DPP10: variants seen among roughly 807,000 people sequenced by gnomAD.
DPP10 encodes the protein inactive dipeptidyl peptidase 10.
A neutral mutation model predicts 120.9 loss-of-function variants in DPP10; 33 were observed. The ratio of observed to expected loss-of-function variants is 0.27; its 90% CI spans 0.21 to 0.37. DPP10 has a LOEUF of 0.37. DPP10 is among the 10% of genes least tolerant of loss of function. DPP10 has a pLI of 1.00. For missense variants in DPP10, 816 were observed against 942.8 expected (o/e 0.87, Z 1.76); for synonymous variants, 337 against 326.1 (o/e 1.03, Z -0.36).
intron 1 of DPP10, among the ~76,000 whole-genome samples, chr2:114,859,284 T>C (rs1574358413): frequency 6.6e-6 from 1 of 151,714 alleles, no homozygotes; most frequent in Admixed American, 6.6e-5. Flanking sequence ...AGGAGAATCG[T>C]TTGAACCCAG....
chr2:115,440,326 T>C (rs2071913247), intron 3 of DPP10, among the ~76,000 whole-genome samples: 1 of 152,210 alleles, frequency 6.6e-6, no homozygotes, highest in Non-Finnish European at 1.5e-5. Context: ...TTCAGAAAGT[T>C]CAATGGCATA....
chr2:115,534,770 C>A (rs1272360352), intron 5 of DPP10, among the ~76,000 whole-genome samples: 1 of 150,760 alleles, frequency 6.6e-6, no homozygotes, highest in African/African-American at 2.4e-5. Flanking sequence ...TCTCCAGCAC[C>A]TGTTGTTTCC....
chr2:115,088,750 C>CCAAAAA (rs769249185), intron 1 of DPP10, among the ~76,000 whole-genome samples: 1 of 65,044 alleles, frequency 1.5e-5, no homozygotes, highest in South Asian at 7.6e-4. Flanking sequence ...CTGTGCCTGA[C>CCAAAAA]AAAAAAAAAA....
rs181655468 is a variant in DPP10 at position 114,776,488 on chromosome 2, G to A, written c.60+333650G>A. Among the ~76,000 whole-genome samples the A allele has an allele frequency of 3.1e-3, 467 of 152,226 alleles. 1 individual carries two copies. Among genetic ancestry groups the A allele is most frequent in the African/African-American group, 0.01 (426 of 41,546 alleles). Reference sequence around the variant, plus strand: ...CTTTTCTCTACTGAATGCAATCTCCGTTATCAGGCCATAAGCTCCTTAGGA... The same window carrying A: ...CTTTTCTCTACTGAATGCAATCTCCATTATCAGGCCATAAGCTCCTTAGGA... On this transcript the variant is annotated intron_variant, in intron 1 of 25. Coordinates refer to ENST00000410059, the MANE Select transcript of DPP10 (RefSeq NM_020868.6).
chr2:114,479,834 C>T (rs1364023329), intron 1 of DPP10, among the ~76,000 whole-genome samples: 1 of 152,070 alleles, frequency 6.6e-6, no homozygotes, highest in African/African-American at 2.4e-5. Flanking sequence ...ACACCAAAAG[C>T]AATGGCAACA....
chr2:115,436,328 T>C (rs1166706373), intron 3 of DPP10, among the ~76,000 whole-genome samples: 1 of 151,838 alleles, frequency 6.6e-6, no homozygotes, highest in African/African-American at 2.4e-5. Context: ...CTCTACAAAT[T>C]TAATTGTAAG....
intron 3 of DPP10, among the ~76,000 whole-genome samples, chr2:115,375,043 C>G (rs976868638): frequency 3.3e-5 from 5 of 152,212 alleles, no homozygotes; most frequent in Admixed American, 2.6e-4. Flanking sequence ...CTGCAGGTAG[C>G]TTGAATTTCT....
chr2:115,372,843 C>T (rs980599974), intron 3 of DPP10, among the ~76,000 whole-genome samples: 16 of 152,232 alleles, frequency 1.1e-4, no homozygotes, highest in African/African-American at 3.9e-4. Flanking sequence ...GAATCTTAGC[C>T]TAGATCTTTA....
chr2:115,662,637 G>A (rs924292706), intron 5 of DPP10, among the ~76,000 whole-genome samples: 3 of 152,124 alleles, frequency 2.0e-5, no homozygotes, highest in Admixed American at 1.3e-4. Flanking sequence ...AAAAAGGTAA[G>A]TGTTAGCAAG....
At chr2:115,137,799 C>G (rs2050725924) in intron 1 of DPP10, among the ~76,000 whole-genome samples, 1 of 152,116 alleles carries the variant, frequency 6.6e-6, no homozygotes, top group Non-Finnish European at 1.5e-5. Flanking sequence ...GTTATACAGC[C>G]AAGTACCTTC....
chr2:115,199,726 G>T (rs773145567), intron 1 of DPP10, among the ~76,000 whole-genome samples: 35 of 152,100 alleles, frequency 2.3e-4, no homozygotes, highest in Non-Finnish European at 4.9e-4. Flanking sequence ...CTGAAGAGAT[G>T]ATGATTTTAA....
At chr2:115,716,428 C>T (rs1042869749) in intron 7 of DPP10, among the ~76,000 whole-genome samples, 4 of 152,010 alleles carry the variant, frequency 2.6e-5, no homozygotes, top group African/African-American at 9.7e-5. Flanking sequence ...AACTGAAGTA[C>T]GAGGGATAGC....
chr2:115,416,054 T>C (rs545680626), intron 3 of DPP10, among the ~76,000 whole-genome samples: 14 of 151,958 alleles, frequency 9.2e-5, no homozygotes, highest in Admixed American at 1.3e-4. Context: ...CATTTTTGGT[T>C]ACTCTATCTT....
At chr2:115,107,488 A>G (rs1486779059) in intron 1 of DPP10, among the ~76,000 whole-genome samples, 11 of 139,412 alleles carry the variant, frequency 7.9e-5, no homozygotes, top group Non-Finnish European at 1.4e-4. Context: ...TCAGATAACT[A>G]GAAAATCAAA....
chr2:115,165,118 A>G (rs2052737265), intron 1 of DPP10, among the ~76,000 whole-genome samples: 1 of 152,216 alleles, frequency 6.6e-6, no homozygotes, highest in South Asian at 2.1e-4. Flanking sequence ...GGCTAATTGT[A>G]ATTTATTATT....
intron 1 of DPP10, among the ~76,000 whole-genome samples, chr2:114,529,466 G>A (rs1036317487): frequency 6.6e-6 from 1 of 152,144 alleles, no homozygotes; most frequent in Non-Finnish European, 1.5e-5. Flanking sequence ...CCCACAGCCT[G>A]TATGAGCTGA....
At chr2:115,071,452 C>G (rs887107039) in intron 1 of DPP10, among the ~76,000 whole-genome samples, 12 of 152,102 alleles carry the variant, frequency 7.9e-5, no homozygotes, top group African/African-American at 2.4e-4. Flanking sequence ...AGCCAAAGCT[C>G]AAATCTATCC....
At chr2:115,833,999 T>C (rs1689192796) in intron 21 of DPP10, among the ~76,000 whole-genome samples, 2 of 152,160 alleles carry the variant, frequency 1.3e-5, no homozygotes, top group Admixed American at 1.3e-4. Flanking sequence ...TACTTCCAGA[T>C]TTTGCTGGCC....
intron 1 of DPP10, among the ~76,000 whole-genome samples, chr2:114,764,383 A>G (rs1327830602): frequency 6.6e-6 from 1 of 150,792 alleles, no homozygotes; most frequent in Non-Finnish European, 1.5e-5. Context: ...TCTCAAAGGT[A>G]CTGATATTAA....
Sources: allele counts gnomAD v4.1 joint callset (sites outside exome capture counted in the v4.1 genomes callset), GRCh38; gene constraint gnomAD v4.1.1; transcripts MANE v1.5; gene names NCBI Gene and HGNC (gene_info 2026-07-23, HGNC 2026-07-21).